Variants in LCOR observed in about 807,000 individuals in gnomAD.
LCOR encodes ligand dependent nuclear receptor corepressor, also known as ligand-dependent corepressor.
A neutral mutation model predicts 64.4 loss-of-function variants in LCOR; 14 were observed. That is an observed-to-expected ratio of 0.22 (90% confidence interval 0.14 to 0.34). The LOEUF (loss-of-function observed/expected upper bound fraction) is 0.34, where lower values mean the gene tolerates loss of function less well. Among genes scored for constraint, LCOR ranks in the 10% least tolerant of loss-of-function variants. The pLI, the probability that LCOR is intolerant of heterozygous loss-of-function variation, is 1.00. For synonymous variants in LCOR, 643 were observed against 642.5 expected (o/e 1.00, Z -0.01); for missense variants, 1,686 against 1,765.3 (o/e 0.96, Z 0.80).
intron 2 of LCOR, among the ~76,000 whole-genome samples, chr10:96,846,992 C>T (rs1185872187): frequency 6.6e-6 from 1 of 152,116 alleles, no homozygotes; most frequent in Non-Finnish European, 1.5e-5. Context: ...GCAGTGGCTC[C>T]AGCACTTTGG....
rs140489877 is a variant in LCOR at position 96,841,935 on chromosome 10, T to C, written c.-330+8456T>C. Among the ~76,000 whole-genome samples the C allele has an allele frequency of 3.7e-3, 556 of 152,010 alleles. 2 individuals carry two copies. The highest frequency in any genetic ancestry group is 0.014 in the Middle Eastern group (4 of 294). On this transcript the variant is annotated intron_variant, in intron 2 of 7. Coordinates refer to ENST00000421806, the MANE Select transcript of LCOR (RefSeq NM_001346516.2). ...TATTTTTACTCATAATACTAGATAG[T>C]CTGTGACTGTTGTTTTTGATCTCAT...
At chr10:96,949,992 AG>A (rs1847650454) in intron 6 of LCOR, among the ~76,000 whole-genome samples, 1 of 152,310 alleles carries the variant, frequency 6.6e-6, no homozygotes, top group African/African-American at 2.4e-5. Context: ...TATTTTCTTC[AG>A]TAGATATTCC....
chr10:96,866,059 A>G (rs1845968393), intron 2 of LCOR, among the ~76,000 whole-genome samples: 1 of 151,908 alleles, frequency 6.6e-6, no homozygotes, highest in Non-Finnish European at 1.5e-5. Flanking sequence ...TCTTTGTCAG[A>G]CTTTTGCTTA....
chr10:96,967,778 GTGTA>G (rs1589688513), intron 7 of LCOR, among the ~76,000 whole-genome samples: 1 of 151,954 alleles, frequency 6.6e-6, no homozygotes, highest in East Asian at 1.9e-4. Flanking sequence ...GTTATGAAGT[GTGTA>G]TGAATGTGAT....
rs201247066 is a variant in LCOR at position 96,952,137 on chromosome 10, A to G, written c.273A>G (p.Pro91=). 3.1e-6 allele frequency: 5 copies of G among 1,614,080 alleles called. No homozygotes were observed. Among genetic ancestry groups the G allele is most frequent in the African/African-American group, 1.3e-5 (1 of 75,042 alleles). Residue 91 remains proline (P), a synonymous_variant, in exon 7 of 8, where the codon CCA becomes CCG. Transcript: ENST00000421806. ...GVLDLSTKKS[P]CAGSTSLSHS... The stretch of plus-strand genomic sequence containing the variant: ...TTGATCTGTCCACTAAGAAAAGTCC[A>G]TGTGCTGGCAGCACTTCCCTGAGCC...
intron 2 of LCOR, among the ~76,000 whole-genome samples, chr10:96,872,371 G>A (rs1259897948): frequency 6.6e-6 from 1 of 152,246 alleles, no homozygotes; most frequent in Non-Finnish European, 1.5e-5. Context: ...GAGGATTTTA[G>A]CAAGATACAG....
intron 2 of LCOR, among the ~76,000 whole-genome samples, chr10:96,859,222 A>G (rs1246715435): frequency 6.6e-6 from 1 of 152,036 alleles, no homozygotes; most frequent in Non-Finnish European, 1.5e-5. Context: ...GGCAGGTATG[A>G]TGGTAAAGAT....
chr10:96,956,746 C>A, intron 7 of LCOR: 1 of 985,560 alleles, frequency 1.0e-6, no homozygotes, highest in South Asian at 4.7e-5. Flanking sequence ...TCCGTATTTA[C>A]TCAGGAGCAG....
At chr10:96,944,268 T>C (rs1847549299) in intron 5 of LCOR, 23 bp downstream of exon 5, 1 of 975,984 alleles carries the variant, frequency 1.0e-6, no homozygotes, top group Non-Finnish European at 1.2e-6. Flanking sequence ...GAAGATGATA[T>C]TTAGCATCTG....
intron 2 of LCOR, among the ~76,000 whole-genome samples, chr10:96,875,180 C>T (rs969137482): frequency 6.6e-6 from 1 of 151,578 alleles, no homozygotes; most frequent in East Asian, 2.0e-4. Context: ...GTTAGGAGAT[C>T]GAGACCATCC....
intron 2 of LCOR, among the ~76,000 whole-genome samples, chr10:96,872,296 A>G (rs1235627632): frequency 6.6e-6 from 1 of 152,262 alleles, no homozygotes; most frequent in East Asian, 1.9e-4. Flanking sequence ...GCAGCCACAC[A>G]GTTTAGCCTT....
Position 96,967,822 on chromosome 10 carries a change from C to CT in LCOR, c.333-12968dup, listed in dbSNP as rs983164844. 5.3e-5 allele frequency among the ~76,000 whole-genome samples: 8 copies of CT among 152,194 alleles called. No homozygotes were observed. In the South Asian group the frequency reaches 1.7e-3, roughly 32 times the overall value. On this transcript the variant is annotated intron_variant, in intron 7 of 7. Transcript: ENST00000421806. The stretch of plus-strand genomic sequence containing the variant: ...TTGCAAATATTAACTTGAAAAGTCA[C>CT]TTTAAGTTATTCATAATTTTTATTT...
intron 1 of LCOR, chr10:96,832,982 C>A (rs531963342): frequency 1.7e-5 from 17 of 983,406 alleles, no homozygotes; most frequent in Non-Finnish European, 2.0e-5. Context: ...GAGATGGGGG[C>A]GGAGGGAGCT....
intron 2 of LCOR, among the ~76,000 whole-genome samples, chr10:96,852,450 T>C (rs994774990): frequency 6.6e-6 from 1 of 152,108 alleles, no homozygotes; most frequent in Non-Finnish European, 1.5e-5. Context: ...CGACAAATTA[T>C]CTTTAGGCTA....
At chr10:96,976,676 T>C (rs1451617913) in intron 7 of LCOR, among the ~76,000 whole-genome samples, 1 of 152,222 alleles carries the variant, frequency 6.6e-6, no homozygotes, top group Non-Finnish European at 1.5e-5. Flanking sequence ...AGTTAGATAA[T>C]ACCTGTGAAC....
intron 6 of LCOR, among the ~76,000 whole-genome samples, chr10:96,949,976 G>C (rs1160005563): frequency 6.6e-6 from 1 of 152,140 alleles, no homozygotes; most frequent in Admixed American, 6.5e-5. Context: ...TTGAGTCTCT[G>C]AAGTTTATTT....
intron 7 of LCOR, among the ~76,000 whole-genome samples, chr10:96,953,620 G>T (rs1847719151): frequency 6.6e-6 from 1 of 152,162 alleles, no homozygotes; most frequent in Non-Finnish European, 1.5e-5. Context: ...AAGTCCATGT[G>T]CAGTTTGCAT....
At position 96,966,666 on chromosome 10, in the gene LCOR, T is replaced by C. The variant is rs183951164; in HGVS notation, c.333-14127T>C. 5.3e-5 allele frequency among the ~76,000 whole-genome samples: 8 copies of C among 152,346 alleles called. No individual in the cohort carries two copies. In the East Asian group the frequency reaches 1.3e-3, roughly 26 times the overall value. On this transcript the variant is annotated intron_variant, in intron 7 of 7. Transcript: ENST00000421806. ...ATAGTAGATAAGAGTTCTTGTTATA[T>C]TTCACTTTATTTGCTTCTAAAAGGT...
chr10:96,878,537 G>A (rs1021453414), intron 2 of LCOR, among the ~76,000 whole-genome samples: 2 of 152,214 alleles, frequency 1.3e-5, no homozygotes, highest in African/African-American at 2.4e-5. Flanking sequence ...AAAGTTTAGA[G>A]TTGCCATTAA....
Sources: gnomAD v4.1 joint callset for allele counts (sites outside exome capture counted in the v4.1 genomes callset) on GRCh38, gnomAD v4.1.1 for gene constraint, MANE v1.5 for transcripts, NCBI Gene and HGNC (gene_info 2026-07-23, HGNC 2026-07-21) for gene names.